The following PKP4 variants were observed in gnomAD, a reference collection of about 807,000 sequenced individuals.
The protein encoded by PKP4 is plakophilin 4, also known as plakophilin-4.
PKP4 carries 90 observed loss-of-function variants against 145.1 expected under a neutral mutation model. That is an observed-to-expected ratio of 0.62 (90% CI 0.52 to 0.74). The LOEUF (loss-of-function observed/expected upper bound fraction) is 0.74, where lower values mean the gene tolerates loss of function less well. Among genes scored for constraint, PKP4 ranks in the 30% least tolerant of loss-of-function variants. The pLI, the probability that PKP4 is intolerant of heterozygous loss-of-function variation, is 0.00. For missense variants in PKP4, 1,340 were observed against 1,482.7 expected (o/e 0.90, Z 1.58); for synonymous variants, 563 against 577.2 (o/e 0.98, Z 0.35).
At chr2:158,649,465 C>G (rs1307076460) in intron 11 of PKP4, among the ~76,000 whole-genome samples, 2 of 152,104 alleles carry the variant, frequency 1.3e-5, no homozygotes, top group African/African-American at 2.4e-5. Flanking sequence ...GAGAAATATC[C>G]CTGAATTTCA....
At position 158,577,296 on chromosome 2, in the gene PKP4, G is replaced by C; in HGVS notation, c.158G>C (p.Arg53Pro). Reference sequence around the variant, plus strand: ...GAGCTTCAGTTTCAGCGACTCACCCGAGAACTGGAAGTGGAAAGGCAGATT... The same window carrying C: ...GAGCTTCAGTTTCAGCGACTCACCCCAGAACTGGAAGTGGAAAGGCAGATT... The part of the protein sequence containing the change: ...EQELQFQRLT[R>P]ELEVERQIVA... The change falls in exon 3 of 22, where the codon CGA (arginine) becomes CCA (proline). Residue 53 changes from arginine to proline, a missense_variant. Transcript: ENST00000389759. The C allele has an allele frequency of 6.2e-7, 1 of 1,613,394 alleles. No individual in the cohort carries two copies. The highest frequency in any genetic ancestry group is 8.5e-7 in the Non-Finnish European group (1 of 1,179,668).
At chr2:158,640,558 C>A in intron 9 of PKP4, 69 bp from the exon 10 acceptor site, 1 of 1,527,540 alleles carries the variant, frequency 6.5e-7, no homozygotes, top group Non-Finnish European at 8.9e-7. Context: ...TTCCTTATAC[C>A]AAGTGTTTTT....
chr2:158,563,951 C>T (rs950946939), intron 2 of PKP4, among the ~76,000 whole-genome samples: 4 of 152,096 alleles, frequency 2.6e-5, no homozygotes, highest in Admixed American at 2.6e-4. Context: ...ATACCACGTT[C>T]GAGGAATTGA....
chr2:158,460,337 C>A (rs146899030), intron 1 of PKP4, among the ~76,000 whole-genome samples: 8 of 152,270 alleles, frequency 5.3e-5, no homozygotes, highest in Non-Finnish European at 1.2e-4. Flanking sequence ...TTTCTATGAC[C>A]TTGAGTATTT....
At chr2:158,580,592 G>A (rs930639065) in intron 3 of PKP4, among the ~76,000 whole-genome samples, 1 of 152,176 alleles carries the variant, frequency 6.6e-6, no homozygotes, top group African/African-American at 2.4e-5. Flanking sequence ...TATTGGTGGT[G>A]GTGATGGTGA....
chr2:158,569,302 T>G (rs2047240627), intron 2 of PKP4, among the ~76,000 whole-genome samples: 1 of 152,206 alleles, frequency 6.6e-6, no homozygotes. Context: ...GATCTTAATA[T>G]TGTTCATCTC....
chr2:158,624,246 C>G (rs2052541200), intron 6 of PKP4, among the ~76,000 whole-genome samples: 1 of 152,158 alleles, frequency 6.6e-6, no homozygotes, highest in Non-Finnish European at 1.5e-5. Flanking sequence ...CCTAGAGCAC[C>G]TGTGTAGCCA....
At chr2:158,620,195 A>G (rs910292312) in intron 4 of PKP4, among the ~76,000 whole-genome samples, 1 of 152,174 alleles carries the variant, frequency 6.6e-6, no homozygotes, top group African/African-American at 2.4e-5. Context: ...TCCATCAGAA[A>G]ATGGGAAAAT....
chr2:158,680,421 G>T lies in PKP4; in HGVS notation c.3331-8G>T, dbSNP rs1559009271. 1.3e-6 allele frequency: 2 copies of T among 1,559,762 alleles called. No homozygotes were observed. The highest frequency in any genetic ancestry group is 1.2e-5 in the South Asian group (1 of 83,358). On this transcript the variant is annotated splice_region_variant and splice_polypyrimidine_tract_variant and intron_variant, in intron 21 of 21. Coordinates refer to ENST00000389759, the MANE Select transcript of PKP4 (RefSeq NM_003628.6). The stretch of plus-strand genomic sequence containing the variant: ...TTTTATTTATTTGCCTTTTCATTTT[G>T]TCAACAGCATCAACAGCTGTATTAT...
Position 158,535,965 on chromosome 2 carries a change from G to A in PKP4, c.132+2649G>A, listed in dbSNP as rs149518125. ...TCAGTTTGCTCATTTATAAGATGCA[G>A]GTAATAATAGTGAGGACCTTAAATT... On this transcript the variant is annotated intron_variant, in intron 2 of 21. Coordinates refer to ENST00000389759, the MANE Select transcript of PKP4 (RefSeq NM_003628.6). 4.8e-3 allele frequency among the ~76,000 whole-genome samples: 733 copies of A among 152,258 alleles called. 1 individual carries two copies. The highest frequency in any genetic ancestry group is 0.016 in the African/African-American group (670 of 41,554).
intron 2 of PKP4, among the ~76,000 whole-genome samples, chr2:158,571,941 A>G (rs1255934718): frequency 7.9e-5 from 12 of 152,226 alleles, no homozygotes; most frequent in Admixed American, 7.9e-4. Context: ...GGAAGATGGT[A>G]TCCTTGTGAC....
chr2:158,499,512 CAT>C (rs1256309913), intron 1 of PKP4, among the ~76,000 whole-genome samples: 4 of 152,308 alleles, frequency 2.6e-5, no homozygotes, highest in Admixed American at 1.3e-4. Context: ...ATTTTTAACA[CAT>C]GTCTGCATTT....
intron 3 of PKP4, among the ~76,000 whole-genome samples, chr2:158,596,761 G>T (rs977061551): frequency 6.6e-6 from 1 of 152,174 alleles, no homozygotes; most frequent in Non-Finnish European, 1.5e-5. Context: ...TGACACAGAG[G>T]GGGAGAAATG....
intron 12 of PKP4, chr2:158,660,586 G>A (rs2056472223): frequency 6.6e-6 from 1 of 152,610 alleles, no homozygotes; most frequent in Non-Finnish European, 1.5e-5. Context: ...TAATTTTACA[G>A]TTAGCCTAGA....
chr2:158,579,540 G>A (rs137913003), intron 3 of PKP4, among the ~76,000 whole-genome samples: 2 of 151,928 alleles, frequency 1.3e-5, no homozygotes, highest in East Asian at 3.9e-4. Flanking sequence ...CACAGTCCAA[G>A]AACTGGATAC....
Position 158,625,985 on chromosome 2 carries a change from C to T in PKP4, c.1153+558C>T, listed in dbSNP as rs976928226. Among the ~76,000 whole-genome samples the T allele has an allele frequency of 5.3e-5, 8 of 152,202 alleles. 1 individual carries two copies. The Middle Eastern group carries it at 0.024, about 453-fold the overall frequency. On this transcript the variant is annotated intron_variant, in intron 7 of 21. Coordinates refer to ENST00000389759, the MANE Select transcript of PKP4 (RefSeq NM_003628.6). ...CACTCCTATTAAAGCAGAAAGACAC[C>T]GGGTCCCTAATACAGCTGTTCCAAC...
Position 158,625,036 on chromosome 2 carries a change from A to C in PKP4, c.762A>C (p.Arg254=). 6.2e-7 allele frequency: 1 copy of C among 1,613,932 alleles called. No individual in the cohort carries two copies. The highest frequency in any genetic ancestry group is 1.6e-4 in the Middle Eastern group (1 of 6,062). ...GCTCTCCGTCAGTGACCGACCCCCG[A>C]CCTCTGAACCCCAGTGCATATTCCT... is the stretch of plus-strand genomic sequence containing the variant. ...GFGSPSVTDP[R]PLNPSAYSST... Residue 254 remains arginine, a synonymous_variant, in exon 7 of 22, where the codon CGA becomes CGC. Transcript: ENST00000389759.
At chr2:158,475,777 T>C (rs964779873) in intron 1 of PKP4, among the ~76,000 whole-genome samples, 1 of 152,208 alleles carries the variant, frequency 6.6e-6, no homozygotes, top group South Asian at 2.1e-4. Context: ...GCACCCCTTA[T>C]GGACTTCCCT....
chr2:158,656,179 C>A (rs2055898856), intron 11 of PKP4, among the ~76,000 whole-genome samples: 1 of 152,128 alleles, frequency 6.6e-6, no homozygotes, highest in African/African-American at 2.4e-5. Context: ...TTCCTCAGTT[C>A]CTCACATGGC....
Sources: gnomAD v4.1 joint callset for allele counts (sites outside exome capture counted in the v4.1 genomes callset) on GRCh38, gnomAD v4.1.1 for gene constraint, MANE v1.5 for transcripts, NCBI Gene and HGNC (gene_info 2026-07-23, HGNC 2026-07-21) for gene names.